The following ARHGEF3 variants were observed in gnomAD, a reference collection of about 807,000 sequenced individuals.
The protein encoded by ARHGEF3 is Rho guanine nucleotide exchange factor 3.
A neutral mutation model predicts 63.2 loss-of-function variants in ARHGEF3; 28 were observed. That is an observed-to-expected ratio of 0.44 (90% confidence interval 0.33 to 0.61). The LOEUF (loss-of-function observed/expected upper bound fraction) is 0.61. ARHGEF3 is among the 20% of genes least tolerant of loss of function. The probability of loss-of-function intolerance (pLI) is 0.03; values close to 1 mark genes in which losing one functional copy is unlikely to be tolerated. For missense variants in ARHGEF3, 533 were observed against 659.3 expected, an observed-to-expected ratio of 0.81 and a Z score of 2.10; for synonymous variants, 266 against 254.2, an observed-to-expected ratio of 1.05 and a Z score of -0.44.
intron 2 of ARHGEF3, among the ~76,000 whole-genome samples, chr3:56,983,871 G>T (rs1701425674): frequency 6.7e-6 from 1 of 149,080 alleles, no homozygotes; most frequent in Non-Finnish European, 1.5e-5. Context: ...TGGGGGCGGA[G>T]GTTGCAGTGA....
chr3:56,803,785 A>T (rs539691314), upstream of ARHGEF3, among the ~76,000 whole-genome samples: 1 of 152,196 alleles, frequency 6.6e-6, no homozygotes, highest in African/African-American at 2.4e-5. Context: ...CTGGTGACAG[A>T]GTGAGACCCT....
chr3:57,036,849 T>C (rs1367256919), intron 1 of ARHGEF3, among the ~76,000 whole-genome samples: 2 of 152,158 alleles, frequency 1.3e-5, no homozygotes, highest in Non-Finnish European at 2.9e-5. Flanking sequence ...ACAGGCCTGC[T>C]TGGCCATATC....
At chr3:56,967,357 ATATTATAT>A (rs1700557476) in intron 2 of ARHGEF3, among the ~76,000 whole-genome samples, 1 of 52,700 alleles carries the variant, frequency 1.9e-5, no homozygotes, top group African/African-American at 5.5e-5. Flanking sequence ...ATATTATATA[ATATTATAT>A]TATATATTAT....
chr3:56,922,572 T>C lies in ARHGEF3; in HGVS notation c.129+36251A>G, dbSNP rs539746472. Among the ~76,000 whole-genome samples the C allele has an allele frequency of 4.6e-5, 7 of 152,274 alleles. No individual in the cohort carries two copies. The East Asian group carries it at 1.4e-3, about 29-fold the overall frequency. On this transcript the variant is annotated intron_variant, in intron 3 of 12. Transcript: ENST00000338458. ...ATCTGCCTAGATCAAAAAACAATGC[T>C]TGACACACCGAATTTCCAAGTTAAA... is the stretch of plus-strand genomic sequence containing the variant.
At chr3:56,751,419 G>T (rs2034735029) in intron 4 of ARHGEF3, 23 bp from the exon 5 acceptor site, 1 of 1,578,212 alleles carries the variant, frequency 6.3e-7, no homozygotes, top group Non-Finnish European at 8.7e-7. Context: ...GGCAAGAGAT[G>T]GAAGCACATG....
chr3:56,873,820 G>C (rs2040506531), intron 4 of ARHGEF3, among the ~76,000 whole-genome samples: 1 of 152,196 alleles, frequency 6.6e-6, no homozygotes, highest in African/African-American at 2.4e-5. Flanking sequence ...CTAACCTCCT[G>C]AAGTTTGTAA....
intron 3 of ARHGEF3, among the ~76,000 whole-genome samples, chr3:56,905,599 T>C (rs1178287934): frequency 6.6e-6 from 1 of 152,226 alleles, no homozygotes; most frequent in Non-Finnish European, 1.5e-5. Context: ...ACAGAACTGT[T>C]GGGGTCAAGG....
At chr3:56,751,760 A>G (rs1420786099) in intron 4 of ARHGEF3, among the ~76,000 whole-genome samples, 3 of 152,230 alleles carry the variant, frequency 2.0e-5, no homozygotes, top group Non-Finnish European at 2.9e-5. Flanking sequence ...ACTAGCTACT[A>G]GCAGATTCTT....
At chr3:56,992,399 A>AC (rs1560113682) in intron 2 of ARHGEF3, among the ~76,000 whole-genome samples, 1 of 137,864 alleles carries the variant, frequency 7.3e-6, no homozygotes, top group Non-Finnish European at 1.5e-5. Context: ...AAAAAAAAAA[A>AC]AAAAAAAAAA....
At chr3:56,749,916 C>CGAGCGAGACTCCGTCTCAAAAAAAAA (rs2034624188) in intron 6 of ARHGEF3, among the ~76,000 whole-genome samples, 5 of 152,124 alleles carry the variant, frequency 3.3e-5, no homozygotes, top group African/African-American at 1.2e-4. Context: ...ACTTTCTGCA[C>CGAGCGAGACTCCGTCTCAAAAAAAAA]ATCTATGTGT....
At position 56,987,370 on chromosome 3, in the gene ARHGEF3, C is replaced by A. The variant is rs760508578; in HGVS notation, c.63-28481G>T. 7.2e-5 allele frequency among the ~76,000 whole-genome samples: 11 copies of A among 152,312 alleles called. 1 individual carries two copies. The South Asian group carries it at 1.7e-3, about 23-fold the overall frequency. ...AGCAGAGCTCTGACTTCAGGGCTCC[C>A]CCTCTTTGTCTCTCAACTGTTACCA... On this transcript the variant is annotated intron_variant, in intron 2 of 12. Coordinates refer to the ARHGEF3 transcript ENST00000338458.
At chr3:56,874,464 T>C (rs546280232) in intron 4 of ARHGEF3, among the ~76,000 whole-genome samples, 51 of 152,306 alleles carry the variant, frequency 3.3e-4, no homozygotes, top group African/African-American at 1.2e-3. Context: ...TTTTTAATTA[T>C]CTGGACTCTG....
intron 4 of ARHGEF3, among the ~76,000 whole-genome samples, chr3:56,856,926 C>G (rs995484695): frequency 1.5e-4 from 23 of 151,934 alleles, no homozygotes. Context: ...TTTCCAAATC[C>G]CTGGCACACA....
In ARHGEF3 at chr3:56,745,476, A is replaced by G. The variant is rs1036110832; in HGVS notation, c.613-14T>C. On this transcript the variant is annotated splice_polypyrimidine_tract_variant and intron_variant, in intron 6 of 9. Transcript: ENST00000296315. ...GAGGCAAGGGAGCTAAGAAGGAAACAGAAAGAGAAGGTTGGAATGTCAAAA... is the reference window on the plus strand; with the variant it reads ...GAGGCAAGGGAGCTAAGAAGGAAACGGAAAGAGAAGGTTGGAATGTCAAAA... 6.2e-7 allele frequency: 1 copy of G among 1,611,044 alleles called. No individual in the cohort carries two copies. Among genetic ancestry groups the G allele is most frequent in the Non-Finnish European group, 8.5e-7 (1 of 1,178,510 alleles).
intron 3 of ARHGEF3, among the ~76,000 whole-genome samples, chr3:56,885,886 T>C (rs948050726): frequency 5.3e-5 from 8 of 152,352 alleles, no homozygotes; most frequent in South Asian, 2.1e-4. Context: ...AACAAAAAAG[T>C]AGCCTGAAGT....
At chr3:56,772,031 C>G (rs529632045) in intron 2 of ARHGEF3, among the ~76,000 whole-genome samples, 4 of 152,328 alleles carry the variant, frequency 2.6e-5, no homozygotes, top group Admixed American at 1.3e-4. Context: ...AAGGTAAACA[C>G]ATTCTTCTTC....
chr3:56,939,950 A>C (rs1383522584), intron 3 of ARHGEF3: 1 of 151,706 alleles, frequency 6.6e-6, no homozygotes, highest in Non-Finnish European at 1.5e-5. Context: ...GCATAATCCC[A>C]CTCCCTGGCC....
At chr3:56,956,734 T>C (rs556415471) in intron 3 of ARHGEF3, among the ~76,000 whole-genome samples, 7 of 152,110 alleles carry the variant, frequency 4.6e-5, no homozygotes, top group Non-Finnish European at 8.8e-5. Flanking sequence ...ATGACCATTG[T>C]TGGAGCAGAA....
At chr3:57,073,494 C>T in intron 1 of ARHGEF3, 1 of 759,948 alleles carries the variant, frequency 1.3e-6, no homozygotes, top group Non-Finnish European at 2.0e-6. Flanking sequence ...CATGGGAAAA[C>T]CTCTGCAGTA....
Sources: allele counts gnomAD v4.1 joint callset (sites outside exome capture counted in the v4.1 genomes callset), GRCh38; gene constraint gnomAD v4.1.1; transcripts MANE v1.5; gene names NCBI Gene and HGNC (gene_info 2026-07-23, HGNC 2026-07-21).